Variants in FAT4 observed in about 807,000 individuals in gnomAD.
The protein encoded by FAT4 is protocadherin Fat 4.
Under a neutral mutation model 303.9 loss-of-function variants are expected in FAT4, and 84 were observed. The ratio of observed to expected loss-of-function variants is 0.28; its 90% confidence interval spans 0.23 to 0.33. The LOEUF is 0.33. FAT4 is among the 10% of genes least tolerant of loss of function. The pLI is 1.00. For synonymous variants in FAT4, 2,307 were observed against 2,298.8 expected (o/e 1.00, Z -0.10); for missense variants, 6,005 against 6,146.8 (o/e 0.98, Z 0.77).
At chr4:125,438,631 T>A (rs1560608550) in intron 8 of FAT4, among the ~76,000 whole-genome samples, 1 of 152,214 alleles carries the variant, frequency 6.6e-6, no homozygotes, top group Non-Finnish European at 1.5e-5. Flanking sequence ...TAAAAAACAT[T>A]CAATTCACTT....
chr4:125,326,262 C>T (rs2663261), intron 2 of FAT4, among the ~76,000 whole-genome samples: 22,978 of 151,540 alleles, frequency 0.15, 2,903 homozygotes, highest in African/African-American at 0.33. Context: ...TGGATACAAA[C>T]GTTAGAAATG....
At chr4:125,405,913 T>C (rs1284170381) in intron 3 of FAT4, among the ~76,000 whole-genome samples, 2 of 152,210 alleles carry the variant, frequency 1.3e-5, no homozygotes, top group African/African-American at 4.8e-5. Context: ...GACTTATTTA[T>C]ATATTTTGAA....
intron 2 of FAT4, among the ~76,000 whole-genome samples, chr4:125,348,229 A>G (rs906854959): frequency 2.0e-5 from 3 of 151,912 alleles, no homozygotes; most frequent in African/African-American, 7.2e-5. Flanking sequence ...TACGAAGCAT[A>G]TTTAAGGAAA....
chr4:125,393,532 T>C (rs1734049921), intron 2 of FAT4, among the ~76,000 whole-genome samples: 1 of 152,130 alleles, frequency 6.6e-6, no homozygotes, highest in Non-Finnish European at 1.5e-5. Context: ...TTTAAAAAAT[T>C]AATCCCCATG....
chr4:125,452,168 G>T lies in FAT4; in HGVS notation c.11158G>T (p.Gly3720Cys). The T allele has an allele frequency of 1.2e-6, 2 of 1,614,144 alleles. No homozygotes were observed. The highest frequency in any genetic ancestry group is 1.7e-5 in the Admixed American group (1 of 60,008). The change falls in exon 10 of 18, where the codon GGC becomes TGC. Residue 3720 changes from glycine to cysteine, a missense_variant. Gly to Cys is a radical substitution (Grantham distance 159, BLOSUM62 -3). Transcript: ENST00000394329. The part of the protein sequence containing the change: ...TVDNSILLRL[G>C]VPTVKDFLTN... Reference sequence around the variant, plus strand: ...GGATAACAGCATCTTACTTCGTCTCGGCGTACCAACAGTAAAGGACTTCTT... The same window carrying T: ...GGATAACAGCATCTTACTTCGTCTCTGCGTACCAACAGTAAAGGACTTCTT...
At position 125,491,694 on chromosome 4, in the gene FAT4, G is replaced by A. The variant is rs1727654189; in HGVS notation, c.14878G>A (p.Ala4960Thr). Reference protein sequence around the residue: ...KDLASLPEKAAANEEGKAGTT... With the variant: ...KDLASLPEKATANEEGKAGTT... ...TTTGGCATCTCTTCCAGAAAAAGCA[G>A]CAGCAAATGAAGAAGGCAAAGCTGG... is the stretch of plus-strand genomic sequence containing the variant. Residue 4960 changes from alanine (A) to threonine (T), a missense_variant, in exon 18 of 18, where the codon GCA becomes ACA. Physicochemically the swap from Ala to Thr is moderately conservative, Grantham distance 58. Coordinates refer to ENST00000394329, the MANE Select transcript of FAT4 (RefSeq NM_001291303.3). 3.7e-6 allele frequency: 6 copies of A among 1,614,148 alleles called. No homozygotes were observed. In the East Asian group the frequency reaches 8.9e-5, roughly 24 times the overall value.
chr4:125,400,517 C>T (rs1330014265), intron 3 of FAT4, among the ~76,000 whole-genome samples: 1 of 151,840 alleles, frequency 6.6e-6, no homozygotes, highest in Non-Finnish European at 1.5e-5. Context: ...TCTTATTTTT[C>T]TCCATCTGAC....
At chr4:125,452,846 T>C in intron 10 of FAT4, 36 bp downstream of exon 10, 1 of 1,547,714 alleles carries the variant, frequency 6.5e-7, no homozygotes. Flanking sequence ...ACTAAGACTT[T>C]AGCCATGTCA....
rs1441168160 is a variant in FAT4 at position 125,415,799 on chromosome 4, T to C, written c.6836T>C (p.Ile2279Thr). 2 of 1,606,824 alleles carry C rather than the reference T, an allele frequency of 1.2e-6. No individual in the cohort carries two copies. The highest frequency in any genetic ancestry group is 2.2e-5 in the South Asian group (2 of 90,452). Reference sequence around the variant, plus strand: ...AATTTAGGGACACTACCCAGAACAATTCTTCAGGTCAGTATATTTAAATAA... The same window carrying C: ...AATTTAGGGACACTACCCAGAACAACTCTTCAGGTCAGTATATTTAAATAA... ...PENLGTLPRT[I>T]LQVVARDDDR... Residue 2279 changes from isoleucine (I) to threonine (T), a missense_variant, in exon 6 of 18, where the codon ATT (isoleucine) becomes ACT (threonine). Transcript: ENST00000394329.
chr4:125,379,900 T>G (rs1318993124), intron 2 of FAT4, among the ~76,000 whole-genome samples: 1 of 152,136 alleles, frequency 6.6e-6, no homozygotes, highest in Non-Finnish European at 1.5e-5. Context: ...TTCACTCTTT[T>G]GTTTTGTTTT....
At chr4:125,441,303 A>G (rs543179131) in intron 8 of FAT4, among the ~76,000 whole-genome samples, 1 of 152,328 alleles carries the variant, frequency 6.6e-6, no homozygotes, top group East Asian at 1.9e-4. Flanking sequence ...CTTCAATGAT[A>G]CTAAGTAGAA....
At chr4:125,345,863 T>A (rs2125972987) in intron 2 of FAT4, among the ~76,000 whole-genome samples, 1 of 152,212 alleles carries the variant, frequency 6.6e-6, no homozygotes, top group Middle Eastern at 3.4e-3. Flanking sequence ...GAGAACGGTA[T>A]TAGTGTCACA....
chr4:125,444,176 T>C (rs1322734846), intron 8 of FAT4, among the ~76,000 whole-genome samples: 1 of 152,188 alleles, frequency 6.6e-6, no homozygotes, highest in Non-Finnish European at 1.5e-5. Flanking sequence ...TGTGCTGCTA[T>C]AGCTACAGAC....
intron 7 of FAT4, among the ~76,000 whole-genome samples, chr4:125,426,514 A>G (rs1463829374): frequency 6.6e-6 from 1 of 152,038 alleles, no homozygotes; most frequent in Non-Finnish European, 1.5e-5. Context: ...TATTTGTAGC[A>G]GACTTTCTAT....
intron 11 of FAT4, among the ~76,000 whole-genome samples, chr4:125,465,585 AAAC>A (rs1726633276): frequency 6.6e-6 from 1 of 152,202 alleles, no homozygotes; most frequent in Admixed American, 6.5e-5. Flanking sequence ...TACACAATAA[AAAC>A]AAGTTGCTGC....
chr4:125,367,196 C>T (rs1371903312), intron 2 of FAT4, among the ~76,000 whole-genome samples: 1 of 152,070 alleles, frequency 6.6e-6, no homozygotes, highest in Non-Finnish European at 1.5e-5. Context: ...CCACATTGCT[C>T]CACAAAGTCT....
chr4:125,378,445 T>C (rs1185541139), intron 2 of FAT4, among the ~76,000 whole-genome samples: 2 of 152,102 alleles, frequency 1.3e-5, no homozygotes, highest in African/African-American at 4.8e-5. Flanking sequence ...ATATCAACCA[T>C]TGTTTATATA....
chr4:125,425,663 G>C (rs1725063390), intron 7 of FAT4, among the ~76,000 whole-genome samples: 1 of 152,072 alleles, frequency 6.6e-6, no homozygotes, highest in Admixed American at 6.5e-5. Context: ...CATATGATAT[G>C]CTCATACCTG....
chr4:125,431,032 TACAGTAATGTATCA>T (rs1228812823), intron 7 of FAT4, among the ~76,000 whole-genome samples: 1 of 152,156 alleles, frequency 6.6e-6, no homozygotes, highest in African/African-American at 2.4e-5. Context: ...CTACAGTATC[TACAGTAATGTATCA>T]ACAGTAGTAA....
Sources: allele counts gnomAD v4.1 joint callset (sites outside exome capture counted in the v4.1 genomes callset), GRCh38; gene constraint gnomAD v4.1.1; transcripts MANE v1.5; gene names NCBI Gene and HGNC (gene_info 2026-07-23, HGNC 2026-07-21).